The following MYO1F variants were observed in gnomAD, a reference collection of about 807,000 sequenced individuals.
MYO1F encodes the protein unconventional myosin-If.
MYO1F carries 60 observed loss-of-function variants against 146.6 expected under a neutral mutation model. The observed-to-expected ratio is 0.41, with a 90% CI of 0.33 to 0.51. The LOEUF (loss-of-function observed/expected upper bound fraction) is 0.51, where lower values mean the gene tolerates loss of function less well. MYO1F is among the 20% of genes least tolerant of loss of function. The probability of loss-of-function intolerance (pLI) is 0.25; values close to 1 mark genes in which losing one functional copy is unlikely to be tolerated. For missense variants in MYO1F, 1,274 were observed against 1,534.3 expected (o/e 0.83, Z 2.83); for synonymous variants, 602 against 602.1 (o/e 1.00, Z 0.00).
At chr19:8,545,474 A>C (rs890222146) in intron 13 of MYO1F, 176 bp downstream of exon 13, 12 of 688,942 alleles carry the variant, frequency 1.7e-5, no homozygotes, top group Non-Finnish European at 3.2e-5. Context: ...AGTAGGCGGA[A>C]TGAATGGATG....
chr19:8,540,168 G>T lies in MYO1F; in HGVS notation c.1611-140C>A. On this transcript the variant is annotated intron_variant, in intron 15 of 27. Coordinates refer to ENST00000644032, the MANE Select transcript of MYO1F (RefSeq NM_012335.4). ...GGAGGGGAGCTGTGATGGGTGAGAT[G>T]CAGAGGGTTGGTTTTTTGGTTTGTT... 9.3e-6 allele frequency: 6 copies of T among 643,016 alleles called. No homozygotes were observed. In the South Asian group the frequency reaches 1.1e-4, roughly 12 times the overall value. The allele number at this position is 643,016 out of a possible 1,614,324, so 39.8% of individuals were successfully genotyped here.
rs180974918 is a variant in MYO1F at position 8,543,720 on chromosome 19, G to C, written c.1524+577C>G. 6.8e-4 allele frequency among the ~76,000 whole-genome samples: 8 copies of C among 11,722 alleles called. 1 individual carries two copies. Among genetic ancestry groups the C allele is most frequent in the South Asian group, 6.4e-3 (2 of 312 alleles). 7.7% of individuals were successfully genotyped at this position (11,722 alleles called of 152,430 possible). A position where few individuals can be genotyped will look rare whatever the true frequency, so the allele number is the denominator to read the frequency against. ...GGTGGTGGTGGTGCTGGTGGTGGTG[G>C]TGGTGCTGGTGGTGCTGGTGGTGCT... On this transcript the variant is annotated intron_variant, in intron 14 of 27. Coordinates refer to ENST00000644032, the MANE Select transcript of MYO1F (RefSeq NM_012335.4).
chr19:8,543,696 GTGGTGGTGGTGC>G (rs1568348461), intron 14 of MYO1F, among the ~76,000 whole-genome samples: 15 of 21,060 alleles, frequency 7.1e-4, no homozygotes, highest in African/African-American at 6.7e-4. Context: ...GGTGGTGGTG[GTGGTGGTGGTGC>G]TGGTGGTGGT....
At position 8,550,196 on chromosome 19, in the gene MYO1F, C is replaced by T. The variant is rs1568356896; in HGVS notation, c.1065G>A (p.Lys355=). 4.3e-6 allele frequency: 7 copies of T among 1,614,186 alleles called. No individual in the cohort carries two copies. The highest frequency in any genetic ancestry group is 2.2e-5 in the East Asian group (1 of 44,876). ...AGTCGAAGAGGCGGGCATAGAGCCC[C>T]TTGGCCAGGGCATCACGGGTGTAGG... The part of the protein sequence containing the change: ...QAAYTRDALA[K]GLYARLFDFL... Residue 355 remains lysine (K), a synonymous_variant, in exon 10 of 28, where the codon AAG becomes AAA. Transcript: ENST00000644032.
intron 19 of MYO1F, among the ~76,000 whole-genome samples, chr19:8,535,846 AT>A (rs945309807): frequency 6.6e-6 from 1 of 150,978 alleles, no homozygotes; most frequent in Non-Finnish European, 1.5e-5. Flanking sequence ...TGCCCGGCTA[AT>A]TTTTTTTGTA....
chr19:8,522,428 C>T lies in MYO1F; in HGVS notation c.3169G>A (p.Val1057Met), dbSNP rs1373863890. The stretch of plus-strand genomic sequence containing the variant: ...TTCACGTTGAAGCTCAGCTCGTCCA[C>T]ATCTTGGCCCACGTACTGGTATAGG... ...RALYQYVGQD[V>M]DELSFNVNEV... The change falls in exon 27 of 28, where the codon GTG becomes ATG. Residue 1057 changes from valine to methionine, a missense_variant. Physicochemically the swap from Val to Met is conservative, Grantham distance 21. Transcript: ENST00000644032. The T allele has an allele frequency of 4.3e-6, 7 of 1,614,120 alleles. No homozygotes were observed. The highest frequency in any genetic ancestry group is 3.3e-5 in the Admixed American group (2 of 60,012).
At chr19:8,536,627 G>A (rs532204636) in intron 17 of MYO1F, 30 bp from the exon 18 acceptor site, 22 of 1,479,276 alleles carry the variant, frequency 1.5e-5, no homozygotes, top group Admixed American at 1.2e-4. Flanking sequence ...GAGTCCCCTC[G>A]GGGTGGGGAG....
intron 1 of MYO1F, among the ~76,000 whole-genome samples, chr19:8,559,795 C>T (rs1445384322): frequency 6.6e-6 from 1 of 151,758 alleles, no homozygotes; most frequent in African/African-American, 2.4e-5. Context: ...ACTAAAAATA[C>T]AAAAATTAGC....
chr19:8,523,268 T>C (rs151293485), intron 25 of MYO1F, among the ~76,000 whole-genome samples: 2,226 of 152,068 alleles, frequency 0.015, 52 homozygotes, highest in African/African-American at 0.05. Context: ...CTCCTGACCT[T>C]GTGATCCGCC....
At chr19:8,556,195 A>C (rs1247225157) in intron 1 of MYO1F, among the ~76,000 whole-genome samples, 2 of 150,768 alleles carry the variant, frequency 1.3e-5, no homozygotes, top group Non-Finnish European at 3.0e-5. Flanking sequence ...TGCCCGGCTA[A>C]TTTTTAATAT....
chr19:8,524,400 GGGCTAGA>G (rs1282835148), intron 25 of MYO1F, among the ~76,000 whole-genome samples: 4 of 142,416 alleles, frequency 2.8e-5, no homozygotes, highest in Non-Finnish European at 6.0e-5. Context: ...CTGGGCAACA[GGGCTAGA>G]CTCTGTCTCA....
At chr19:8,526,260 GA>G (rs1299408067) in intron 24 of MYO1F, among the ~76,000 whole-genome samples, 192 bp downstream of exon 24, 2 of 152,202 alleles carry the variant, frequency 1.3e-5, no homozygotes, top group African/African-American at 4.8e-5. Context: ...CCGGGTGGCG[GA>G]GGTTGCGGTG....
chr19:8,529,384 C>G (rs1972391435), intron 21 of MYO1F, among the ~76,000 whole-genome samples: 1 of 152,020 alleles, frequency 6.6e-6, no homozygotes, highest in Non-Finnish European at 1.5e-5. Flanking sequence ...AGAGTCCAGG[C>G]TAGGTGATTA....
chr19:8,544,030 C>CGGTGGCGGTGCTGGTGGTGGTGGT, intron 14 of MYO1F: 1 of 290,032 alleles, frequency 3.4e-6, no homozygotes, highest in Admixed American at 6.8e-5. Flanking sequence ...GTGGCGGTGG[C>CGGTGGCGGTGCTGGTGGTGGTGGT]GGTGGCGGTG....
At chr19:8,532,903 TACACACACAC>T (rs60799506) in intron 19 of MYO1F, among the ~76,000 whole-genome samples, 2,860 of 113,146 alleles carry the variant, frequency 0.025, 164 homozygotes, top group African/African-American at 0.083. Flanking sequence ...AAAAAAAAAA[TACACACACAC>T]ACACACACAC....
At chr19:8,560,904 A>G (rs902494552) in intron 1 of MYO1F, among the ~76,000 whole-genome samples, 25 of 151,934 alleles carry the variant, frequency 1.6e-4, no homozygotes, top group Non-Finnish European at 2.8e-4. Context: ...ACGGCGGCTA[A>G]TTTTTTGTAT....
chr19:8,550,806 C>T lies in MYO1F; in HGVS notation c.772-112G>A, dbSNP rs1038604738. 173 of 1,405,336 alleles carry T rather than the reference C, an allele frequency of 1.2e-4. 3 individuals are homozygous for T. In the South Asian group the frequency reaches 2.0e-3, roughly 17 times the overall value. 87.1% of individuals were successfully genotyped at this position (1,405,336 alleles called of 1,614,324 possible). A position where few individuals can be genotyped will look rare whatever the true frequency, so the allele number is the denominator to read the frequency against. On this transcript the variant is annotated intron_variant, in intron 8 of 27. Coordinates refer to ENST00000644032, the MANE Select transcript of MYO1F (RefSeq NM_012335.4). ...ACTCAGGGAGTGAGCACCCTTGGGT[C>T]CCTGTCCTACCCCTTTCAGTCACTT...
At chr19:8,538,672 C>T (rs1378072166) in intron 16 of MYO1F, among the ~76,000 whole-genome samples, 7 of 151,042 alleles carry the variant, frequency 4.6e-5, no homozygotes, top group East Asian at 2.0e-4. Context: ...ACTGCAGCCT[C>T]GACCTCCTGG....
At position 8,526,503 on chromosome 19, in the gene MYO1F, C is replaced by A; in HGVS notation, c.2720G>T (p.Gly907Val). The A allele has an allele frequency of 6.3e-7, 1 of 1,578,452 alleles. No individual in the cohort carries two copies. The highest frequency in any genetic ancestry group is 1.2e-5 in the South Asian group (1 of 86,002). The change falls in exon 24 of 28, where the codon GGC (glycine) becomes GTC (valine). Residue 907 changes from glycine (G) to valine (V), a missense_variant. Physicochemically the swap from Gly to Val is moderately radical, Grantham distance 109. Transcript: ENST00000644032. ...CACGCTGACCGTGAGGGTCCGACCG[C>A]CAACCTTGAGCACTGCCAAGTCGCC... ...GFGDLAVLKV[G>V]GRTLTVSVGD...
Sources: allele counts gnomAD v4.1 joint callset (sites outside exome capture counted in the v4.1 genomes callset), GRCh38; gene constraint gnomAD v4.1.1; transcripts MANE v1.5; gene names NCBI Gene and HGNC (gene_info 2026-07-23, HGNC 2026-07-21).